Variants in LRMDA observed in about 807,000 individuals in gnomAD.
The protein encoded by LRMDA is leucine-rich melanocyte differentiation-associated protein.
In LRMDA, 18 loss-of-function variants were observed where a neutral mutation model predicts 29.8. The observed-to-expected ratio is 0.60, with a 90% CI of 0.42 to 0.90. LRMDA has a LOEUF of 0.90. LRMDA is among the 40% of genes least tolerant of loss of function. LRMDA has a pLI of 0.00. For synonymous variants in LRMDA, 125 were observed against 109.4 expected (o/e 1.14, Z -0.89); for missense variants, 273 against 273.9 (o/e 1.00, Z 0.02).
At chr10:75,878,103 G>GT (rs1323527924) in intron 2 of LRMDA, among the ~76,000 whole-genome samples, 1 of 152,162 alleles carries the variant, frequency 6.6e-6, no homozygotes, top group African/African-American at 2.4e-5. Context: ...CCCCAGTGGC[G>GT]TATGTTACAG....
chr10:75,989,941 C>T lies in LRMDA; in HGVS notation c.132-46067C>T, dbSNP rs1407738. Among the ~76,000 whole-genome samples, 502 of 152,250 alleles carry T rather than the reference C, an allele frequency of 3.3e-3. 3 individuals are homozygous for T. Among genetic ancestry groups the T allele is most frequent in the African/African-American group, 0.011 (472 of 41,538 alleles). On this transcript the variant is annotated intron_variant, in intron 2 of 6. Coordinates refer to ENST00000611255, the MANE Select transcript of LRMDA (RefSeq NM_001305581.2). Reference sequence around the variant, plus strand: ...ACGAGTGTCATGGTGAAATCCCCCCCGCTCCTGAGACCCCACAGGCTCCTC... The same window carrying T: ...ACGAGTGTCATGGTGAAATCCCCCCTGCTCCTGAGACCCCACAGGCTCCTC...
chr10:75,945,563 G>A (rs757332290), intron 2 of LRMDA, among the ~76,000 whole-genome samples: 3 of 151,954 alleles, frequency 2.0e-5, no homozygotes, highest in Admixed American at 6.6e-5. Context: ...GTTTCTTTCC[G>A]GTACCCACAT....
intron 6 of LRMDA, among the ~76,000 whole-genome samples, chr10:76,446,177 T>C (rs564656630): frequency 2.0e-5 from 3 of 152,282 alleles, no homozygotes; most frequent in South Asian, 4.1e-4. Context: ...CAACATTGCG[T>C]TTTTCAGAAT....
intron 2 of LRMDA, among the ~76,000 whole-genome samples, chr10:75,956,103 TGCAGTCACCTGAAG>T (rs1846659129): frequency 6.6e-6 from 1 of 152,202 alleles, no homozygotes; most frequent in Admixed American, 6.5e-5. Flanking sequence ...TTGTCAGGAC[TGCAGTCACCTGAAG>T]GCTTGACTGG....
At chr10:75,640,898 T>G (rs1277106959) in intron 2 of LRMDA, among the ~76,000 whole-genome samples, 1 of 152,218 alleles carries the variant, frequency 6.6e-6, no homozygotes, top group Admixed American at 6.5e-5. Context: ...CTGGGCCACT[T>G]GCATTGATGT....
chr10:75,769,109 A>G (rs1297056393), intron 2 of LRMDA, among the ~76,000 whole-genome samples: 1 of 152,218 alleles, frequency 6.6e-6, no homozygotes, highest in African/African-American at 2.4e-5. Flanking sequence ...TTGCAATCAG[A>G]GGTTTGCTTC....
intron 2 of LRMDA, among the ~76,000 whole-genome samples, chr10:75,636,127 A>T (rs1204504138): frequency 6.6e-6 from 1 of 151,826 alleles, no homozygotes; most frequent in Non-Finnish European, 1.5e-5. Context: ...CTATCCACCT[A>T]TGTACCTATG....
intron 2 of LRMDA, among the ~76,000 whole-genome samples, chr10:75,819,940 T>G (rs1226476471): frequency 6.6e-6 from 1 of 152,168 alleles, no homozygotes; most frequent in Non-Finnish European, 1.5e-5. Flanking sequence ...ATCTCATCAG[T>G]AATCTTTTAT....
At chr10:76,508,511 A>T (rs1464822672) in intron 6 of LRMDA, among the ~76,000 whole-genome samples, 1 of 151,786 alleles carries the variant, frequency 6.6e-6, no homozygotes, top group Non-Finnish European at 1.5e-5. Flanking sequence ...TATGGGTTAT[A>T]ATCCATTACT....
chr10:75,468,966 C>G (rs1422506169), intron 2 of LRMDA, among the ~76,000 whole-genome samples: 1 of 152,052 alleles, frequency 6.6e-6, no homozygotes. Flanking sequence ...AAGAGAAAGG[C>G]CCTGCATTTG....
At chr10:76,175,623 G>T (rs1196265165) in intron 5 of LRMDA, among the ~76,000 whole-genome samples, 4 of 152,152 alleles carry the variant, frequency 2.6e-5, no homozygotes, top group African/African-American at 9.7e-5. Context: ...CTGAGTGCTC[G>T]AGTTTGCTCA....
intron 6 of LRMDA, among the ~76,000 whole-genome samples, chr10:76,391,667 A>C (rs1334583045): frequency 6.6e-6 from 1 of 152,210 alleles, no homozygotes; most frequent in Admixed American, 6.5e-5. Context: ...CTTATTCAGC[A>C]TGAAATAAAA....
chr10:75,682,201 T>C (rs1320923833), intron 2 of LRMDA, among the ~76,000 whole-genome samples: 1 of 152,206 alleles, frequency 6.6e-6, no homozygotes, highest in Non-Finnish European at 1.5e-5. Context: ...ACCACTACTC[T>C]AACTGTGAAC....
At chr10:75,471,219 G>T (rs750212599) in intron 2 of LRMDA, among the ~76,000 whole-genome samples, 21 of 152,106 alleles carry the variant, frequency 1.4e-4, no homozygotes, top group Admixed American at 1.2e-3. Context: ...CTGGCGGGGG[G>T]GTGGGGTGTG....
intron 2 of LRMDA, among the ~76,000 whole-genome samples, chr10:75,901,200 C>T (rs1845666359): frequency 6.6e-6 from 1 of 152,162 alleles, no homozygotes; most frequent in Non-Finnish European, 1.5e-5. Context: ...AGCCTCTGTG[C>T]TCTAGCACTT....
At chr10:76,059,714 G>C (rs977173464) in intron 5 of LRMDA, among the ~76,000 whole-genome samples, 2 of 152,170 alleles carry the variant, frequency 1.3e-5, no homozygotes, top group African/African-American at 4.8e-5. Flanking sequence ...ATGATTAAAG[G>C]GGGGAAAGAA....
intron 1 of LRMDA, among the ~76,000 whole-genome samples, chr10:75,433,245 T>G (rs1433273255): frequency 3.3e-5 from 5 of 152,192 alleles, no homozygotes; most frequent in Non-Finnish European, 7.3e-5. Flanking sequence ...CGGTGTACCT[T>G]GCTACAAGTT....
chr10:75,614,418 GT>G (rs548330416), intron 2 of LRMDA, among the ~76,000 whole-genome samples: 2 of 152,262 alleles, frequency 1.3e-5, no homozygotes, highest in East Asian at 3.9e-4. Context: ...ACGGCCATTA[GT>G]TTTTTTCAGA....
At chr10:75,870,823 G>A (rs926696680) in intron 2 of LRMDA, among the ~76,000 whole-genome samples, 9 of 152,072 alleles carry the variant, frequency 5.9e-5, no homozygotes, top group Admixed American at 4.6e-4. Flanking sequence ...TCTCCATGCC[G>A]ATGATTTCCA....
Sources: gnomAD v4.1 joint callset for allele counts (sites outside exome capture counted in the v4.1 genomes callset) on GRCh38, gnomAD v4.1.1 for gene constraint, MANE v1.5 for transcripts, NCBI Gene and HGNC (gene_info 2026-07-23, HGNC 2026-07-21) for gene names.